Variants in CTNNA3 observed in about 807,000 individuals in gnomAD.
CTNNA3 encodes catenin alpha-3.
A neutral mutation model predicts 95.7 loss-of-function variants in CTNNA3; 76 were observed. That is an observed-to-expected ratio of 0.79 (90% CI 0.66 to 0.96). The LOEUF (loss-of-function observed/expected upper bound fraction) is 0.96. CTNNA3 is among the 40% of genes least tolerant of loss of function. CTNNA3 has a pLI of 0.00. For synonymous variants in CTNNA3, 431 were observed against 374.4 expected (o/e 1.15, Z -1.74); for missense variants, 1,191 against 1,089.8 (o/e 1.09, Z -1.31).
chr10:66,267,093 G>C (rs1589895250), intron 13 of CTNNA3, among the ~76,000 whole-genome samples: 1 of 152,052 alleles, frequency 6.6e-6, no homozygotes. Flanking sequence ...AACTGAAAGG[G>C]ATGACTATGC....
chr10:66,583,688 T>C (rs1014224169), intron 10 of CTNNA3, among the ~76,000 whole-genome samples: 1 of 151,832 alleles, frequency 6.6e-6, no homozygotes, highest in African/African-American at 2.4e-5. Context: ...TTAGCTCTGC[T>C]CTGATCTTTA....
At chr10:66,422,741 T>C (rs142998717) in intron 11 of CTNNA3, among the ~76,000 whole-genome samples, 64 of 152,176 alleles carry the variant, frequency 4.2e-4, no homozygotes, top group African/African-American at 1.5e-3. Flanking sequence ...TTGAGAAAGA[T>C]GATTTTTTTT....
At chr10:67,437,379 C>T (rs916567593) in intron 5 of CTNNA3, among the ~76,000 whole-genome samples, 3 of 151,984 alleles carry the variant, frequency 2.0e-5, no homozygotes, top group African/African-American at 7.3e-5. Context: ...GTGTATACTG[C>T]TTGGGTGATG....
intron 8 of CTNNA3, among the ~76,000 whole-genome samples, chr10:66,770,718 A>G (rs1840054789): frequency 6.6e-6 from 1 of 152,164 alleles, no homozygotes; most frequent in Non-Finnish European, 1.5e-5. Flanking sequence ...AGGAACAGAA[A>G]GAATGAAATT....
intron 15 of CTNNA3, among the ~76,000 whole-genome samples, chr10:66,012,853 G>T (rs1011228455): frequency 2.6e-5 from 4 of 152,088 alleles, no homozygotes; most frequent in Non-Finnish European, 5.9e-5. Flanking sequence ...ACAAAAATCT[G>T]CTGAATTCCT....
intron 14 of CTNNA3, among the ~76,000 whole-genome samples, chr10:66,085,522 T>C (rs989759533): frequency 6.6e-6 from 1 of 152,158 alleles, no homozygotes; most frequent in Non-Finnish European, 1.5e-5. Flanking sequence ...TTATTTTTTC[T>C]AGTTTCTTTT....
rs148526454 is a variant in CTNNA3, at chr10:66,730,903, A to C, written c.1281+35361T>G. ...AAAACTACTCTGACTAAAACTATGCAAAAATGCATGTTTATCTAATCATAG... is the reference window on the plus strand; with the variant it reads ...AAAACTACTCTGACTAAAACTATGCCAAAATGCATGTTTATCTAATCATAG... On this transcript the variant is annotated intron_variant, in intron 9 of 17. Coordinates refer to ENST00000433211, the MANE Select transcript of CTNNA3 (RefSeq NM_013266.4). Among the ~76,000 whole-genome samples, 716 of 152,332 alleles carry C rather than the reference A, an allele frequency of 4.7e-3. 7 individuals carry two copies. The highest frequency in any genetic ancestry group is 0.017 in the African/African-American group (686 of 41,568).
chr10:67,231,388 C>T (rs1260941370), intron 5 of CTNNA3, among the ~76,000 whole-genome samples: 1 of 152,246 alleles, frequency 6.6e-6, no homozygotes, highest in Non-Finnish European at 1.5e-5. Flanking sequence ...AGCAGCCTAA[C>T]TGGGAGGCAA....
intron 9 of CTNNA3, among the ~76,000 whole-genome samples, chr10:66,666,838 A>G (rs1846469263): frequency 6.6e-6 from 1 of 152,100 alleles, no homozygotes; most frequent in African/African-American, 2.4e-5. Flanking sequence ...TAAAGCACAT[A>G]TAATGTACAT....
chr10:66,095,539 T>C (rs1228242587), intron 14 of CTNNA3, among the ~76,000 whole-genome samples: 2 of 152,112 alleles, frequency 1.3e-5, no homozygotes, highest in Non-Finnish European at 2.9e-5. Context: ...GAGTATATAC[T>C]GATAATAATT....
intron 3 of CTNNA3, among the ~76,000 whole-genome samples, chr10:67,596,554 G>T (rs944847312): frequency 6.6e-6 from 1 of 152,108 alleles, no homozygotes; most frequent in Non-Finnish European, 1.5e-5. Context: ...TTCCTGGTTG[G>T]AATTTCTTTT....
At chr10:67,289,792 A>T (rs775486594) in intron 5 of CTNNA3, among the ~76,000 whole-genome samples, 1 of 139,194 alleles carries the variant, frequency 7.2e-6, no homozygotes, top group Non-Finnish European at 1.5e-5. Flanking sequence ...GGATGGATGG[A>T]TGGTTGATGG....
chr10:66,461,671 C>G (rs752840104), intron 11 of CTNNA3, among the ~76,000 whole-genome samples: 1 of 135,982 alleles, frequency 7.4e-6, no homozygotes, highest in African/African-American at 2.9e-5. Flanking sequence ...TTTGCACTCA[C>G]GTTATATATA....
chr10:66,532,697 A>G (rs542695822), intron 10 of CTNNA3, among the ~76,000 whole-genome samples: 1 of 152,300 alleles, frequency 6.6e-6, no homozygotes, highest in African/African-American at 2.4e-5. Flanking sequence ...AAGTGTTCTA[A>G]GGGAGAAAAG....
chr10:66,213,191 C>T (rs1420494152), intron 13 of CTNNA3, among the ~76,000 whole-genome samples: 1 of 151,936 alleles, frequency 6.6e-6, no homozygotes, highest in East Asian at 1.9e-4. Flanking sequence ...GAATTTTCTA[C>T]TTATAACTTC....
intron 7 of CTNNA3, among the ~76,000 whole-genome samples, chr10:67,053,583 T>G (rs901821739): frequency 2.6e-5 from 4 of 152,200 alleles, no homozygotes; most frequent in Non-Finnish European, 5.9e-5. Flanking sequence ...CATAAATTCT[T>G]TTGTTTTCAT....
chr10:67,296,186 AT>A lies in CTNNA3; in HGVS notation c.580-76317del, dbSNP rs199970851. ...AAGCAAACACAGTTGAAATTATAGC[AT>A]TTTTTTTCTTTTCTCTCTAAAATAT... On this transcript the variant is annotated intron_variant, in intron 5 of 17. Transcript: ENST00000433211. Among the ~76,000 whole-genome samples, 931 of 152,148 alleles carry A rather than the reference AT, an allele frequency of 6.1e-3. 11 individuals are homozygous for A. Among genetic ancestry groups the A allele is most frequent in the African/African-American group, 0.021 (866 of 41,492 alleles).
chr10:67,250,494 C>A (rs1866064261), intron 5 of CTNNA3, among the ~76,000 whole-genome samples: 1 of 151,706 alleles, frequency 6.6e-6, no homozygotes, highest in South Asian at 2.1e-4. Context: ...GGATTACAGG[C>A]ATGAGCCACC....
At chr10:67,163,795 G>C (rs1255825166) in intron 7 of CTNNA3, among the ~76,000 whole-genome samples, 2 of 151,668 alleles carry the variant, frequency 1.3e-5, no homozygotes, top group South Asian at 2.1e-4. Context: ...GAGGGTTGCA[G>C]GATATAAGAT....
Sources: gnomAD v4.1 joint callset for allele counts (sites outside exome capture counted in the v4.1 genomes callset) on GRCh38, gnomAD v4.1.1 for gene constraint, MANE v1.5 for transcripts, NCBI Gene and HGNC (gene_info 2026-07-23, HGNC 2026-07-21) for gene names.